Variants in TRPC7 observed in about 807,000 individuals in gnomAD.
The protein encoded by TRPC7 is transient receptor potential cation channel subfamily C member 7, also known as short transient receptor potential channel 7.
A neutral mutation model predicts 90.1 loss-of-function variants in TRPC7; 42 were observed. That is an observed-to-expected ratio of 0.47 (90% CI 0.36 to 0.60). The LOEUF (loss-of-function observed/expected upper bound fraction) is 0.60, where lower values mean the gene tolerates loss of function less well. Ranked by LOEUF, TRPC7 falls within the 20% of genes least tolerant of loss-of-function variation. The pLI, the probability that TRPC7 is intolerant of heterozygous loss-of-function variation, is 0.00. For synonymous variants in TRPC7, 451 were observed against 436.3 expected, an observed-to-expected ratio of 1.03 and a Z score of -0.42; for missense variants, 955 against 1,112.3, an observed-to-expected ratio of 0.86 and a Z score of 2.01.
At chr5:136,285,792 C>G (rs1330012475) in intron 3 of TRPC7, among the ~76,000 whole-genome samples, 1 of 152,202 alleles carries the variant, frequency 6.6e-6, no homozygotes, top group Non-Finnish European at 1.5e-5. Flanking sequence ...ATTCACATTT[C>G]TTCCCATGCC....
rs768980158 is a variant in TRPC7 at position 136,357,002 on chromosome 5, G to A, written c.386C>T (p.Pro129Leu). ...VRIVEAILNH[P>L]AFAQGQRLTL... ...CAGGCGCTGGCCCTGCGCGAAGGCC[G>A]GGTGGTTGAGGATGGCCTCCACGAT... The change falls in exon 2 of 12, where the codon CCG (proline) becomes CTG (leucine). Residue 129 changes from proline to leucine, a missense_variant. Physicochemically the swap from Pro to Leu is moderately conservative, Grantham distance 98. Transcript: ENST00000513104. 5 of 1,612,494 alleles carry A rather than the reference G, an allele frequency of 3.1e-6. No homozygotes were observed. The African/African-American group carries it at 4.0e-5, about 13-fold the overall frequency.
At chr5:136,273,299 G>A (rs1270596727) in intron 4 of TRPC7, among the ~76,000 whole-genome samples, 1 of 152,052 alleles carries the variant, frequency 6.6e-6, no homozygotes, top group Admixed American at 6.6e-5. Flanking sequence ...CACCCACTGT[G>A]TTTTTTCAGC....
In TRPC7 at chr5:136,266,446, A is replaced by G; in HGVS notation, c.1129-10T>C. 1 of 1,610,256 alleles carries G rather than the reference A, an allele frequency of 6.2e-7. No individual in the cohort carries two copies. The highest frequency in any genetic ancestry group is 8.5e-7 in the Non-Finnish European group (1 of 1,177,524). On this transcript the variant is annotated splice_polypyrimidine_tract_variant and intron_variant, in intron 4 of 11. Coordinates refer to ENST00000513104, the MANE Select transcript of TRPC7 (RefSeq NM_020389.3). ...TCAGGGTTCGTCCTAGCTGGAAAGA[A>G]AATGTGTTCAAGACATGTTAAACTG...
At chr5:136,334,360 G>A (rs970083976) in intron 2 of TRPC7, among the ~76,000 whole-genome samples, 1 of 152,230 alleles carries the variant, frequency 6.6e-6, no homozygotes, top group Non-Finnish European at 1.5e-5. Flanking sequence ...GCTAAATGGC[G>A]AAGTAGCAAT....
At chr5:136,287,258 T>C (rs1481994648) in intron 3 of TRPC7, among the ~76,000 whole-genome samples, 1 of 152,068 alleles carries the variant, frequency 6.6e-6, no homozygotes, top group East Asian at 1.9e-4. Flanking sequence ...GTTCTGGTGG[T>C]CATAGGTGAG....
chr5:136,266,715 C>T (rs1324847355), intron 4 of TRPC7, among the ~76,000 whole-genome samples: 3 of 152,170 alleles, frequency 2.0e-5, no homozygotes, highest in African/African-American at 7.2e-5. Flanking sequence ...CATCTGATTG[C>T]ACTGATACCT....
intron 3 of TRPC7, among the ~76,000 whole-genome samples, chr5:136,304,229 C>A (rs552003360): frequency 6.7e-6 from 1 of 149,916 alleles, no homozygotes; most frequent in South Asian, 2.1e-4. Flanking sequence ...CTACTCCCTC[C>A]TTGGGGACCG....
At chr5:136,218,699 G>C (rs1755353140) in intron 10 of TRPC7, among the ~76,000 whole-genome samples, 1 of 152,212 alleles carries the variant, frequency 6.6e-6, no homozygotes, top group Non-Finnish European at 1.5e-5. Flanking sequence ...ATTTGGCTGG[G>C]ATAGGTGAGA....
intron 3 of TRPC7, among the ~76,000 whole-genome samples, chr5:136,292,992 A>C (rs965779308): frequency 7.2e-5 from 11 of 152,368 alleles, no homozygotes; most frequent in African/African-American, 2.6e-4. Context: ...GGTTCAACGT[A>C]TGAAAATCAA....
rs1561673827 is a variant in TRPC7, at chr5:136,213,534, AG to A, written c.2489del (p.Ala830ValfsTer8). 3 of 1,614,042 alleles carry A rather than the reference AG, an allele frequency of 1.9e-6. No homozygotes were observed. The highest frequency in any genetic ancestry group is 2.5e-6 in the Non-Finnish European group (3 of 1,179,888). ...GAATCAGGTCTGCCAGCTCACCAGT[AG>A]CTTGAGATTTTTCCTCAAGAAGCTC... ...RYELLEEKSQATGELADLIQQ... is the reference protein window; with the variant it reads ...RYELLEEKSQXTGELADLIQQ... On this transcript the variant is annotated frameshift_variant, in exon 12 of 12. Transcript: ENST00000513104. LOFTEE classifies it high-confidence loss of function.
chr5:136,251,543 G>C, intron 6 of TRPC7, 106 bp downstream of exon 6: 2 of 911,046 alleles, frequency 2.2e-6, no homozygotes, highest in Non-Finnish European at 3.4e-6. Context: ...CAAATCATGG[G>C]CCACTTGATT....
chr5:136,357,525 T>G, intron 1 of TRPC7, 140 bp from the exon 2 acceptor site: 3 of 931,890 alleles, frequency 3.2e-6, no homozygotes, highest in African/African-American at 1.7e-5. Context: ...ATCATTGTCT[T>G]AATCATCAAG....
At position 136,231,537 on chromosome 5, in the gene TRPC7, AC is replaced by A. The variant is rs775367473; in HGVS notation, c.1856del (p.Ser619IlefsTer15). On this transcript the variant is annotated frameshift_variant, in exon 8 of 12. Coordinates refer to ENST00000513104, the MANE Select transcript of TRPC7 (RefSeq NM_020389.3). LOFTEE classifies it high-confidence loss of function. ...YNPAFTTVEESFKTLFWSIFG... is the reference protein window; with the variant it reads ...YNPAFTTVEEXFKTLFWSIFG... ...ATATGGACCAAAACAAAGTTTTAAA[AC>A]TTTCTTCAACCCTGCAAAGAAACAG... The A allele has an allele frequency of 3.1e-6, 5 of 1,593,746 alleles. No homozygotes were observed. The highest frequency in any genetic ancestry group is 4.3e-6 in the Non-Finnish European group (5 of 1,165,550).
At position 136,226,052 on chromosome 5, in the gene TRPC7, C is replaced by T; in HGVS notation, c.2244G>A (p.Met748Ile). 1 of 1,598,354 alleles carries T rather than the reference C, an allele frequency of 6.3e-7. No individual in the cohort carries two copies. ...KSCENDLEMG[M>I]LNSKFKKTRY... is the part of the protein sequence containing the mutation. The stretch of plus-strand genomic sequence containing the variant: ...TACCTACCTTGAATTTGGAATTCAG[C>T]ATGCCCATTTCAAGGTCATTTTCAC... Residue 748 changes from methionine (M) to isoleucine (I), a missense_variant, in exon 9 of 12, where the codon ATG (methionine) becomes ATA (isoleucine). Met to Ile is a conservative substitution (Grantham distance 10). Coordinates refer to ENST00000513104, the MANE Select transcript of TRPC7 (RefSeq NM_020389.3).
intron 3 of TRPC7, among the ~76,000 whole-genome samples, chr5:136,295,660 A>C (rs1419212506): frequency 6.6e-6 from 1 of 152,000 alleles, no homozygotes; most frequent in Non-Finnish European, 1.5e-5. Flanking sequence ...TCCCTCCCTC[A>C]TCTAAATCAA....
At chr5:136,345,341 A>T (rs1289788387) in intron 2 of TRPC7, among the ~76,000 whole-genome samples, 1 of 152,194 alleles carries the variant, frequency 6.6e-6, no homozygotes, top group Non-Finnish European at 1.5e-5. Flanking sequence ...AGATCACCTG[A>T]GGTCAGGAGT....
chr5:136,213,637 A>G, intron 11 of TRPC7, 33 bp from the exon 12 acceptor site: 1 of 1,610,738 alleles, frequency 6.2e-7, no homozygotes, highest in Non-Finnish European at 8.5e-7. Flanking sequence ...GCTGAGTCTG[A>G]GTAGGTGGAA....
chr5:136,356,412 A>G (rs934516097), intron 2 of TRPC7, among the ~76,000 whole-genome samples, 196 bp downstream of exon 2: 5 of 152,160 alleles, frequency 3.3e-5, no homozygotes. Context: ...AGTTTAAAGC[A>G]TTTCACCCAG....
In TRPC7 at chr5:136,213,198, TC is replaced by T; in HGVS notation, c.*236del. The T allele has an allele frequency of 3.8e-6, 2 of 528,458 alleles. No individual in the cohort carries two copies. The highest frequency in any genetic ancestry group is 6.8e-6 in the Non-Finnish European group (2 of 295,514). 32.7% of individuals were successfully genotyped at this position (528,458 alleles called of 1,614,324 possible). A position where few individuals can be genotyped will look rare whatever the true frequency, so the allele number is the denominator to read the frequency against. The stretch of plus-strand genomic sequence containing the variant: ...GGTCTCACACTCGTCAGGGGGCTGT[TC>T]CTCCCCTCCTCCCATGGTAGCTTTT... On this transcript the variant is annotated 3_prime_UTR_variant, in exon 12 of 12. Transcript: ENST00000513104.
Sources: allele counts gnomAD v4.1 joint callset (sites outside exome capture counted in the v4.1 genomes callset), GRCh38; gene constraint gnomAD v4.1.1; transcripts MANE v1.5; gene names NCBI Gene and HGNC (gene_info 2026-07-23, HGNC 2026-07-21).